SCP2: variants seen among roughly 807,000 people sequenced by gnomAD.
SCP2 encodes the protein sterol carrier protein 2.
SCP2 carries 48 observed loss-of-function variants against 71.4 expected under a neutral mutation model. The ratio of observed to expected loss-of-function variants is 0.67; its 90% CI spans 0.53 to 0.86. The LOEUF is 0.86. Among genes scored for constraint, SCP2 ranks in the 40% least tolerant of loss-of-function variants. The probability of loss-of-function intolerance (pLI) is 0.00; values close to 1 mark genes in which losing one functional copy is unlikely to be tolerated. For missense variants in SCP2, 560 were observed against 655.6 expected (o/e 0.85, Z 1.59); for synonymous variants, 220 against 218.1 (o/e 1.01, Z -0.08).
intron 6 of SCP2, among the ~76,000 whole-genome samples, chr1:52,969,844 C>CAAAA (rs1459113515): frequency 2.7e-5 from 4 of 150,424 alleles, no homozygotes; most frequent in Non-Finnish European, 4.4e-5. Context: ...AACAAACAAA[C>CAAAA]AAAAAAAGTG....
intron 6 of SCP2, among the ~76,000 whole-genome samples, chr1:52,970,886 A>G (rs890814865): frequency 2.8e-5 from 4 of 143,582 alleles, no homozygotes; most frequent in Non-Finnish European, 1.5e-5. Context: ...TCTATTTTCT[A>G]GTTATGCTGA....
At chr1:52,934,024 C>T (rs1350009930) in intron 1 of SCP2, among the ~76,000 whole-genome samples, 2 of 152,174 alleles carry the variant, frequency 1.3e-5, no homozygotes, top group Non-Finnish European at 2.9e-5. Context: ...AAGCAGAAAA[C>T]ATTGGTTAAT....
intron 11 of SCP2, among the ~76,000 whole-genome samples, chr1:52,989,393 C>A (rs1396058912): frequency 1.3e-5 from 2 of 152,146 alleles, no homozygotes; most frequent in Admixed American, 6.5e-5. Context: ...AAAACAACAA[C>A]AAAGAACATA....
At chr1:53,025,193 C>G (rs1206404387) in intron 12 of SCP2, among the ~76,000 whole-genome samples, 1 of 152,022 alleles carries the variant, frequency 6.6e-6, no homozygotes, top group Non-Finnish European at 1.5e-5. Flanking sequence ...GTTTGCCCCT[C>G]CCTCCTGGAA....
chr1:53,043,874 T>A (rs552021170), intron 14 of SCP2, among the ~76,000 whole-genome samples: 3 of 152,340 alleles, frequency 2.0e-5, no homozygotes, highest in Non-Finnish European at 4.4e-5. Context: ...GTTTATTTTT[T>A]AAGGATTTAG....
chr1:52,944,019 G>C (rs1245868849), intron 2 of SCP2: 2 of 210,120 alleles, frequency 9.5e-6, no homozygotes, highest in Admixed American at 1.1e-4. Context: ...GGGCAGCAGT[G>C]CTGGAACACC....
At chr1:52,950,727 A>T in intron 3 of SCP2, 28 bp from the exon 4 acceptor site, 1 of 1,600,164 alleles carries the variant, frequency 6.2e-7, no homozygotes, top group Non-Finnish European at 8.6e-7. Flanking sequence ...ATAATTCTCC[A>T]TATTAAAATT....
chr1:52,978,486 T>C (rs896477411), intron 9 of SCP2, 119 bp downstream of exon 9: 1 of 818,276 alleles, frequency 1.2e-6, no homozygotes, highest in African/African-American at 1.7e-5. Context: ...TATTTGTCAT[T>C]ATTTTAAGTT....
chr1:53,048,296 G>A, intron 15 of SCP2: 1 of 329,080 alleles, frequency 3.0e-6, no homozygotes, highest in South Asian at 2.7e-5. Flanking sequence ...CAGCTCTTGA[G>A]CTTAGTACCC....
At position 52,991,453 on chromosome 1, in the gene SCP2, C is replaced by T. The variant is rs148961144; in HGVS notation, c.1081+3317C>T. Among the ~76,000 whole-genome samples, 111 of 150,968 alleles carry T rather than the reference C, an allele frequency of 7.4e-4. 1 individual carries two copies. The highest frequency in any genetic ancestry group is 6.7e-3 in the East Asian group (34 of 5,112). On this transcript the variant is annotated intron_variant, in intron 11 of 15. Transcript: ENST00000371514. ...TCTTGCTTTGTCGCCCAGGCTGGAG[C>T]GCAGTAGCGCGATCTTGGCTCACTG...
At chr1:52,982,293 G>A (rs1369429497) in intron 10 of SCP2, among the ~76,000 whole-genome samples, 1 of 152,176 alleles carries the variant, frequency 6.6e-6, no homozygotes, top group Non-Finnish European at 1.5e-5. Flanking sequence ...CCAGTTGGCA[G>A]GGCGCGGTGG....
At chr1:53,031,466 G>T (rs1252973225) in intron 13 of SCP2, among the ~76,000 whole-genome samples, 3 of 152,188 alleles carry the variant, frequency 2.0e-5, no homozygotes, top group Non-Finnish European at 4.4e-5. Context: ...CCTGGCAAAA[G>T]ATTTTATTTC....
intron 2 of SCP2, chr1:52,943,501 C>T (rs746475437): frequency 6.3e-4 from 134 of 214,288 alleles, no homozygotes; most frequent in Middle Eastern, 1.8e-3. Context: ...GGATTACAGG[C>T]GTGAGCCACC....
Position 53,051,066 on chromosome 1 carries a change from T to G in SCP2, c.*362T>G, listed in dbSNP as rs74658110. 370 of 174,346 alleles carry G rather than the reference T, an allele frequency of 2.1e-3. 1 individual carries two copies. Among genetic ancestry groups the G allele is most frequent in the African/African-American group, 8.5e-3 (354 of 41,886 alleles). 10.8% of individuals were successfully genotyped at this position (174,346 alleles called of 1,614,324 possible). Reference sequence around the variant, plus strand: ...TATTTAAGGATTATTCTGCTGAAGATTCAGTTTAAGAGTTTTCCTTGGGAG... The same window carrying G: ...TATTTAAGGATTATTCTGCTGAAGAGTCAGTTTAAGAGTTTTCCTTGGGAG... On this transcript the variant is annotated 3_prime_UTR_variant, in exon 16 of 16. Coordinates refer to ENST00000371514, the MANE Select transcript of SCP2 (RefSeq NM_002979.5).
chr1:53,002,874 T>C (rs1221030783), intron 11 of SCP2, among the ~76,000 whole-genome samples: 1 of 152,208 alleles, frequency 6.6e-6, no homozygotes, highest in African/African-American at 2.4e-5. Flanking sequence ...CCATGGCTTA[T>C]CTCGTCTACT....
At chr1:53,039,135 C>A in intron 14 of SCP2, 89 bp downstream of exon 14, 2 of 1,483,054 alleles carry the variant, frequency 1.3e-6, no homozygotes, top group Non-Finnish European at 1.9e-6. Context: ...TTACTGTTCC[C>A]AAAAAGGACT....
Position 52,927,368 on chromosome 1 carries a change from G to C in SCP2, c.-29G>C, listed in dbSNP as rs1488291963. 1 of 1,555,878 alleles carries C rather than the reference G, an allele frequency of 6.4e-7. No homozygotes were observed. Among genetic ancestry groups the C allele is most frequent in the African/African-American group, 1.4e-5 (1 of 73,948 alleles). The stretch of plus-strand genomic sequence containing the variant: ...GTCAGTGCCGGCAGTCGTCCGCGGC[G>C]CCCGCCCCGGTCCCGCACTGGTGCA... On this transcript the variant is annotated 5_prime_UTR_variant, in exon 1 of 16. Coordinates refer to ENST00000371514, the MANE Select transcript of SCP2 (RefSeq NM_002979.5).
intron 11 of SCP2, among the ~76,000 whole-genome samples, chr1:53,003,147 G>T (rs1294222010): frequency 6.6e-6 from 1 of 152,192 alleles, no homozygotes; most frequent in East Asian, 1.9e-4. Context: ...CCAGGAGATG[G>T]TGTCTACTCT....
chr1:53,031,432 C>A (rs1222223427), intron 13 of SCP2, among the ~76,000 whole-genome samples: 2 of 152,196 alleles, frequency 1.3e-5, no homozygotes, highest in African/African-American at 4.8e-5. Flanking sequence ...TCAATTCATG[C>A]ATTTTCTGCA....
Sources: allele counts gnomAD v4.1 joint callset (sites outside exome capture counted in the v4.1 genomes callset), GRCh38; gene constraint gnomAD v4.1.1; transcripts MANE v1.5; gene names NCBI Gene and HGNC (gene_info 2026-07-23, HGNC 2026-07-21).